The following CNTN1 variants were observed in gnomAD, a reference collection of about 807,000 sequenced individuals.
CNTN1 encodes contactin-1.
A neutral mutation model predicts 126.4 loss-of-function variants in CNTN1; 38 were observed. The ratio of observed to expected loss-of-function variants is 0.30; its 90% CI spans 0.23 to 0.39. The LOEUF (loss-of-function observed/expected upper bound fraction) is 0.39. CNTN1 is among the 10% of genes least tolerant of loss of function. The pLI, the probability that CNTN1 is intolerant of heterozygous loss-of-function variation, is 1.00. For missense variants in CNTN1, 1,009 were observed against 1,248.4 expected, an observed-to-expected ratio of 0.81 and a Z score of 2.89; for synonymous variants, 413 against 422.6, an observed-to-expected ratio of 0.98 and a Z score of 0.28.
chr12:40,944,805 G>A (rs1946379604), intron 14 of CNTN1, among the ~76,000 whole-genome samples: 1 of 152,024 alleles, frequency 6.6e-6, no homozygotes, highest in Admixed American at 6.6e-5. Flanking sequence ...GTCTTGGTAG[G>A]CTGTCTAGGT....
At chr12:40,799,442 T>C (rs1940563802) in intron 1 of CNTN1, among the ~76,000 whole-genome samples, 1 of 152,060 alleles carries the variant, frequency 6.6e-6, no homozygotes, top group East Asian at 1.9e-4. Flanking sequence ...CCTCTCAGCA[T>C]TAAGAAGTTG....
intron 23 of CNTN1, among the ~76,000 whole-genome samples, chr12:41,030,657 T>C (rs1308859735): frequency 1.3e-5 from 2 of 152,130 alleles, no homozygotes; most frequent in African/African-American, 4.8e-5. Flanking sequence ...TCATAAATAA[T>C]ACTTTTAGAG....
chr12:40,821,826 T>A (rs1202365156), intron 1 of CNTN1, among the ~76,000 whole-genome samples: 1 of 152,082 alleles, frequency 6.6e-6, no homozygotes, highest in Non-Finnish European at 1.5e-5. Flanking sequence ...TTTTTTCTCC[T>A]GGTTACCATC....
At chr12:40,848,825 G>GGT (rs1942610820) in intron 1 of CNTN1, among the ~76,000 whole-genome samples, 1 of 135,868 alleles carries the variant, frequency 7.4e-6, no homozygotes, top group African/African-American at 2.7e-5. Flanking sequence ...CACCAGGTGT[G>GGT]TTTTTTTTTT....
chr12:40,837,083 A>T (rs891940175), intron 1 of CNTN1, among the ~76,000 whole-genome samples: 5 of 152,174 alleles, frequency 3.3e-5, no homozygotes, highest in Non-Finnish European at 7.3e-5. Flanking sequence ...TTTTAACTAA[A>T]ATATATATAA....
At chr12:40,911,554 C>T (rs79835802) in intron 3 of CNTN1, among the ~76,000 whole-genome samples, 2,651 of 152,286 alleles carry the variant, frequency 0.017, 72 homozygotes, top group African/African-American at 0.058. Context: ...TAATCTGCTG[C>T]AATCAGTGTT....
At chr12:40,964,043 T>C (rs1947207436) in intron 15 of CNTN1, among the ~76,000 whole-genome samples, 2 of 152,232 alleles carry the variant, frequency 1.3e-5, no homozygotes, top group South Asian at 4.1e-4. Flanking sequence ...GGCTTTAACT[T>C]GTACATGTAT....
At chr12:40,719,749 A>G (rs1942144026) in intron 1 of CNTN1, among the ~76,000 whole-genome samples, 1 of 152,216 alleles carries the variant, frequency 6.6e-6, no homozygotes, top group Non-Finnish European at 1.5e-5. Flanking sequence ...ATTATTTACC[A>G]TGTGTCAGTA....
chr12:41,063,215 A>T (rs1949976112), intron 23 of CNTN1, among the ~76,000 whole-genome samples: 1 of 152,268 alleles, frequency 6.6e-6, no homozygotes, highest in Non-Finnish European at 1.5e-5. Context: ...TAAAGAGAGC[A>T]CTTGCTTTTC....
At position 41,010,000 on chromosome 12, in the gene CNTN1, C is replaced by T. The variant is rs76796838; in HGVS notation, c.2114-4228C>T. ...AGCATGTGTCAATAATAGGTTTCCCCATCTGCAACCTAAGGGGTTGTGAAA... is the reference window on the plus strand; with the variant it reads ...AGCATGTGTCAATAATAGGTTTCCCTATCTGCAACCTAAGGGGTTGTGAAA... On this transcript the variant is annotated intron_variant, in intron 17 of 23. Transcript: ENST00000551295. 7.6e-4 allele frequency among the ~76,000 whole-genome samples: 116 copies of T among 152,258 alleles called. 1 individual carries two copies. The East Asian group carries it at 0.016, about 21-fold the overall frequency.
At chr12:40,845,081 T>C (rs1327441333) in intron 1 of CNTN1, among the ~76,000 whole-genome samples, 4 of 152,218 alleles carry the variant, frequency 2.6e-5, no homozygotes, top group East Asian at 1.9e-4. Flanking sequence ...TTGGTGCCCA[T>C]TGAGATATGC....
At chr12:40,737,866 A>T (rs1937764957) in intron 1 of CNTN1, among the ~76,000 whole-genome samples, 1 of 152,102 alleles carries the variant, frequency 6.6e-6, no homozygotes, top group Admixed American at 6.6e-5. Flanking sequence ...AAGACTAGCA[A>T]CTAGAATGAA....
At chr12:40,856,463 T>C (rs1942910096) in intron 1 of CNTN1, among the ~76,000 whole-genome samples, 1 of 152,082 alleles carries the variant, frequency 6.6e-6, no homozygotes, top group African/African-American at 2.4e-5. Context: ...ATGATTTGCC[T>C]GGTATCTGGA....
chr12:40,840,610 C>T (rs1942238961), intron 1 of CNTN1, among the ~76,000 whole-genome samples: 1 of 147,048 alleles, frequency 6.8e-6, no homozygotes, highest in African/African-American at 2.5e-5. Context: ...CAAGTCTCAT[C>T]AATTTTTTTT....
chr12:40,708,406 A>G (rs1435627958), intron 1 of CNTN1, among the ~76,000 whole-genome samples: 8 of 152,252 alleles, frequency 5.3e-5, no homozygotes, highest in Non-Finnish European at 8.8e-5. Context: ...ATTAAAAAAT[A>G]CTTTGTTACG....
chr12:41,013,487 A>G (rs533362047), intron 17 of CNTN1, among the ~76,000 whole-genome samples: 2 of 151,996 alleles, frequency 1.3e-5, no homozygotes, highest in East Asian at 1.9e-4. Context: ...TAACTCCTAT[A>G]TTGGATATAT....
At chr12:40,821,898 T>G (rs1414911135) in intron 1 of CNTN1, among the ~76,000 whole-genome samples, 1 of 151,774 alleles carries the variant, frequency 6.6e-6, no homozygotes, top group Non-Finnish European at 1.5e-5. Context: ...GGAGCTGGCT[T>G]TATTATATTT....
chr12:40,778,929 A>G (rs1043067732), intron 1 of CNTN1, among the ~76,000 whole-genome samples: 13 of 151,726 alleles, frequency 8.6e-5, no homozygotes, highest in Non-Finnish European at 1.9e-4. Context: ...AAATTCCATG[A>G]GTGCCTACTT....
chr12:41,013,552 A>G (rs914327489), intron 17 of CNTN1, among the ~76,000 whole-genome samples: 2 of 152,126 alleles, frequency 1.3e-5, no homozygotes, highest in Non-Finnish European at 2.9e-5. Flanking sequence ...AAATAGCCAT[A>G]TATCAGTTCT....
Sources: gnomAD v4.1 joint callset for allele counts (sites outside exome capture counted in the v4.1 genomes callset) on GRCh38, gnomAD v4.1.1 for gene constraint, MANE v1.5 for transcripts, NCBI Gene and HGNC (gene_info 2026-07-23, HGNC 2026-07-21) for gene names.